Variants in PCDH15 observed in about 807,000 individuals in gnomAD.
The protein encoded by PCDH15 is protocadherin related 15, also known as protocadherin-15.
PCDH15 carries 129 observed loss-of-function variants against 178.5 expected under a neutral mutation model. That is an observed-to-expected ratio of 0.72 (90% CI 0.63 to 0.84). The LOEUF (loss-of-function observed/expected upper bound fraction) is 0.84, where lower values mean the gene tolerates loss of function less well. PCDH15 is among the 40% of genes least tolerant of loss of function. The pLI is 0.00. For missense variants in PCDH15, 2,230 were observed against 2,099.9 expected (o/e 1.06, Z -1.21); for synonymous variants, 800 against 732.0 (o/e 1.09, Z -1.50).
chr10:54,212,665 T>C (rs1254114789), intron 10 of PCDH15, among the ~76,000 whole-genome samples: 2 of 152,190 alleles, frequency 1.3e-5, no homozygotes, highest in African/African-American at 2.4e-5. Flanking sequence ...TTATCTGATT[T>C]ATTTGATTAT....
intron 2 of PCDH15, among the ~76,000 whole-genome samples, chr10:54,945,723 A>T (rs1027582072): frequency 6.6e-6 from 1 of 151,814 alleles, no homozygotes; most frequent in Non-Finnish European, 1.5e-5. Context: ...GGCTGGAAGC[A>T]CTTTTATTCA....
At chr10:55,116,376 T>C (rs776783378) in intron 2 of PCDH15, among the ~76,000 whole-genome samples, 4 of 152,150 alleles carry the variant, frequency 2.6e-5, no homozygotes, top group African/African-American at 9.7e-5. Context: ...TCAAAATGTT[T>C]AAATATTAGT....
intron 2 of PCDH15, among the ~76,000 whole-genome samples, chr10:55,498,034 T>A (rs1270119822): frequency 2.0e-5 from 3 of 151,924 alleles, no homozygotes; most frequent in African/African-American, 4.8e-5. Flanking sequence ...CATTAATGTT[T>A]ATGCTTTTGA....
intron 1 of PCDH15, among the ~76,000 whole-genome samples, chr10:55,271,396 T>C (rs1274114529): frequency 6.6e-6 from 1 of 152,082 alleles, no homozygotes; most frequent in African/African-American, 2.4e-5. Context: ...TTTTCTCTGA[T>C]GGTTGAAAAA....
At chr10:55,584,547 C>A (rs1842685586) in intron 2 of PCDH15, among the ~76,000 whole-genome samples, 1 of 147,796 alleles carries the variant, frequency 6.8e-6, no homozygotes, top group African/African-American at 2.5e-5. Context: ...GTCCCAGCTA[C>A]TTGGGAGGCT....
intron 3 of PCDH15, among the ~76,000 whole-genome samples, chr10:54,487,686 T>C (rs1241053890): frequency 6.6e-6 from 1 of 151,948 alleles, no homozygotes; most frequent in Non-Finnish European, 1.5e-5. Flanking sequence ...CTTCTAAAGG[T>C]TATTAACTAT....
At chr10:54,610,348 C>A (rs1396737121) in intron 2 of PCDH15, among the ~76,000 whole-genome samples, 1 of 151,924 alleles carries the variant, frequency 6.6e-6, no homozygotes, top group Non-Finnish European at 1.5e-5. Flanking sequence ...AAGGCACTGT[C>A]TAAATAGTTT....
At chr10:55,132,430 T>C (rs1349124142) in intron 2 of PCDH15, among the ~76,000 whole-genome samples, 1 of 152,062 alleles carries the variant, frequency 6.6e-6, no homozygotes, top group Non-Finnish European at 1.5e-5. Flanking sequence ...TGTAAGAGAG[T>C]AGTAGCATTT....
chr10:55,023,991 G>C lies in PCDH15; in HGVS notation c.-79-126491C>G, dbSNP rs202044942. Among the ~76,000 whole-genome samples the C allele has an allele frequency of 2.2e-4, 33 of 147,696 alleles. No homozygotes were observed. In the East Asian group the frequency reaches 4.9e-3, roughly 22 times the overall value. ...GATTTTATATATATGATATATATCT[G>C]TCTCTCATATATATAATCTTTTTAT... On this transcript the variant is annotated intron_variant, in intron 2 of 5. Transcript: ENST00000458638.
At chr10:55,417,844 G>C (rs746493654) in intron 2 of PCDH15, among the ~76,000 whole-genome samples, 4 of 150,972 alleles carry the variant, frequency 2.6e-5, no homozygotes, top group Non-Finnish European at 5.9e-5. Context: ...TAGGATTAGA[G>C]TTGTACTTCA....
intron 1 of PCDH15, among the ~76,000 whole-genome samples, chr10:55,199,612 A>C (rs1840186413): frequency 6.6e-6 from 1 of 152,070 alleles, no homozygotes; most frequent in Non-Finnish European, 1.5e-5. Context: ...TAGCCAAGAC[A>C]ATGGGGAAAA....
chr10:55,485,375 C>A (rs1226309603), intron 2 of PCDH15, among the ~76,000 whole-genome samples: 3 of 151,576 alleles, frequency 2.0e-5, no homozygotes, highest in Non-Finnish European at 3.0e-5. Flanking sequence ...TGCAAAAATT[C>A]AAACAATTGC....
chr10:54,936,852 A>G (rs2131858811), intron 2 of PCDH15, among the ~76,000 whole-genome samples: 1 of 151,398 alleles, frequency 6.6e-6, no homozygotes, highest in East Asian at 1.9e-4. Context: ...TTTAATTTTG[A>G]TGTAGTCTAA....
chr10:54,641,460 T>A (rs1473364391), intron 2 of PCDH15, among the ~76,000 whole-genome samples: 1 of 152,138 alleles, frequency 6.6e-6, no homozygotes, highest in African/African-American at 2.4e-5. Context: ...ATGTAGCCCC[T>A]TTAGGATGTT....
intron 3 of PCDH15, among the ~76,000 whole-genome samples, 163 bp from the exon 4 acceptor site, chr10:54,379,105 A>C (rs1254312636): frequency 6.6e-6 from 1 of 152,150 alleles, no homozygotes; most frequent in Non-Finnish European, 1.5e-5. Context: ...CCAAAAGGCC[A>C]AAGTATCTGC....
intron 2 of PCDH15, among the ~76,000 whole-genome samples, chr10:54,909,557 G>A (rs1954784388): frequency 6.6e-6 from 1 of 152,132 alleles, no homozygotes; most frequent in South Asian, 2.1e-4. Flanking sequence ...GCCAGACAGT[G>A]TGAGCAGTCA....
chr10:54,087,908 G>T (rs575646025), intron 16 of PCDH15, among the ~76,000 whole-genome samples: 2 of 152,254 alleles, frequency 1.3e-5, no homozygotes, highest in East Asian at 3.9e-4. Flanking sequence ...CTGTTTAAAA[G>T]TGCGTGGCAC....
chr10:55,014,695 T>C (rs1840128824), intron 2 of PCDH15, among the ~76,000 whole-genome samples: 1 of 152,208 alleles, frequency 6.6e-6, no homozygotes, highest in Non-Finnish European at 1.5e-5. Flanking sequence ...ATGTTGATTA[T>C]AATGAATAAA....
chr10:55,315,265 A>AT (rs1226665901), intron 1 of PCDH15, among the ~76,000 whole-genome samples: 3 of 152,194 alleles, frequency 2.0e-5, no homozygotes, highest in African/African-American at 4.8e-5. Context: ...TATAAAAACT[A>AT]TTCTTTTTTA....
Sources: allele counts gnomAD v4.1 joint callset (sites outside exome capture counted in the v4.1 genomes callset), GRCh38; gene constraint gnomAD v4.1.1; transcripts MANE v1.5; gene names NCBI Gene and HGNC (gene_info 2026-07-23, HGNC 2026-07-21).